The following CFAP53 variants were observed in gnomAD, a reference collection of about 807,000 sequenced individuals.
The protein encoded by CFAP53 is cilia and flagella associated protein 53.
In CFAP53, 62 loss-of-function variants were observed where a neutral mutation model predicts 59.7. The ratio of observed to expected loss-of-function variants is 1.04; its 90% CI spans 0.85 to 1.28. The LOEUF is 1.28. Among genes scored for constraint, CFAP53 ranks in the 50% most tolerant of loss-of-function variants. The pLI is 0.00. For synonymous variants in CFAP53, 218 were observed against 205.7 expected (o/e 1.06, Z -0.51); for missense variants, 629 against 615.6 (o/e 1.02, Z -0.23).
intron 5 of CFAP53, among the ~76,000 whole-genome samples, chr18:50,249,622 G>C (rs1392259345): frequency 1.3e-5 from 2 of 152,108 alleles, no homozygotes; most frequent in Non-Finnish European, 2.9e-5. Flanking sequence ...AAGGCTATCT[G>C]AAAAGATTAC....
rs180778332 is a variant in CFAP53, at chr18:50,266,348, T to G, written c.57A>C (p.Lys19Asn). 1 of 1,614,246 alleles carries G rather than the reference T, an allele frequency of 6.2e-7. No homozygotes were observed. Among genetic ancestry groups the G allele is most frequent in the Admixed American group, 1.7e-5 (1 of 60,032 alleles). ...ATCCTGTGCTTACCACGATCACCAC[T>G]TTGGGGGTGGGGCCCTTAACCTCCC... ...VQREVKGPTP[K>N]VVIVRSKPPK... The change falls in exon 1 of 8, where the codon AAA becomes AAC. Residue 19 changes from lysine to asparagine, a missense_variant. Lys to Asn is a moderately conservative substitution (Grantham distance 94, BLOSUM62 0). Coordinates refer to ENST00000398545, the MANE Select transcript of CFAP53 (RefSeq NM_145020.5).
chr18:50,249,354 CA>C (rs897252571), intron 5 of CFAP53, among the ~76,000 whole-genome samples: 39 of 151,736 alleles, frequency 2.6e-4, no homozygotes, highest in African/African-American at 7.7e-4. Context: ...CCCATCTCTA[CA>C]AAAAATAAGA....
intron 6 of CFAP53, among the ~76,000 whole-genome samples, chr18:50,241,188 T>C (rs575202445): frequency 3.9e-5 from 6 of 152,292 alleles, no homozygotes; most frequent in African/African-American, 1.4e-4. Context: ...AGCTTACCCT[T>C]ACAAGAATAG....
At chr18:50,236,613 G>C (rs138389132) in intron 7 of CFAP53, among the ~76,000 whole-genome samples, 1 of 152,136 alleles carries the variant, frequency 6.6e-6, no homozygotes, top group Admixed American at 6.5e-5. Flanking sequence ...ATCACATGGA[G>C]AGCCCACACA....
chr18:50,234,358 T>C (rs1487882583), intron 7 of CFAP53, among the ~76,000 whole-genome samples: 1 of 152,192 alleles, frequency 6.6e-6, no homozygotes, highest in Admixed American at 6.5e-5. Flanking sequence ...GATTTTCCGT[T>C]ATCTCATTAA....
chr18:50,257,831 AC>A (rs1276080846), intron 3 of CFAP53, among the ~76,000 whole-genome samples: 1 of 152,200 alleles, frequency 6.6e-6, no homozygotes, highest in Non-Finnish European at 1.5e-5. Context: ...GGAGTTCGAC[AC>A]CAGCCTGGGC....
intron 3 of CFAP53, among the ~76,000 whole-genome samples, chr18:50,257,119 C>T (rs140356999): frequency 2.6e-5 from 4 of 152,046 alleles, no homozygotes; most frequent in Non-Finnish European, 4.4e-5. Flanking sequence ...TAGCCAGTTA[C>T]TCTAAAATTA....
rs2144412496 is a variant in CFAP53 at position 50,242,899 on chromosome 18, C to T, written c.1213+1G>A. ...AATATAACTGTAATTCAGTTCCTTA[C>T]ACTTTTCTTGAACTTGAAGTTTTCT... is the stretch of plus-strand genomic sequence containing the variant. On this transcript the variant is annotated splice_donor_variant, in intron 6 of 7. Coordinates refer to ENST00000398545, the MANE Select transcript of CFAP53 (RefSeq NM_145020.5). LOFTEE classifies it high-confidence loss of function. 1 of 1,611,074 alleles carries T rather than the reference C, an allele frequency of 6.2e-7. No individual in the cohort carries two copies.
At chr18:50,245,031 C>T (rs1190326694) in intron 5 of CFAP53, among the ~76,000 whole-genome samples, 1 of 140,550 alleles carries the variant, frequency 7.1e-6, no homozygotes, top group African/African-American at 2.7e-5. Flanking sequence ...CCACTGCACT[C>T]GAGCCTGGGT....
chr18:50,247,685 T>G lies in CFAP53; in HGVS notation c.996+3073A>C, dbSNP rs112488770. ...ATGTGGATAAATCTTGAAAACATTATGCTAAGTGAAAGAAGACAGTCAACA... is the reference window on the plus strand; with the variant it reads ...ATGTGGATAAATCTTGAAAACATTAGGCTAAGTGAAAGAAGACAGTCAACA... On this transcript the variant is annotated intron_variant, in intron 5 of 7. Transcript: ENST00000398545. Among the ~76,000 whole-genome samples, 979 of 152,318 alleles carry G rather than the reference T, an allele frequency of 6.4e-3. 6 individuals are homozygous for G. The highest frequency in any genetic ancestry group is 0.022 in the African/African-American group (924 of 41,574).
In CFAP53 at chr18:50,262,213, T is replaced by G. The variant is rs753691281; in HGVS notation, c.76A>C (p.Lys26Gln). ...TCAGCTCCTTGGCCTTTAGGAGGCT[T>G]GGATCTCTGAAAACAAAAACCAACT... ...PTPKVVIVRS[K>Q]PPKGQGAEHH... The change falls in exon 2 of 8, where the codon AAG (lysine) becomes CAG (glutamine). Residue 26 changes from lysine (K) to glutamine (Q), a missense_variant. By Grantham distance (53) the Lys-to-Gln change is moderately conservative (BLOSUM62 1). Coordinates refer to ENST00000398545, the MANE Select transcript of CFAP53 (RefSeq NM_145020.5). The G allele has an allele frequency of 6.2e-7, 1 of 1,611,992 alleles. No individual in the cohort carries two copies. The highest frequency in any genetic ancestry group is 8.5e-7 in the Non-Finnish European group (1 of 1,178,182).
At chr18:50,246,645 T>C (rs2033747935) in intron 5 of CFAP53, among the ~76,000 whole-genome samples, 1 of 152,204 alleles carries the variant, frequency 6.6e-6, no homozygotes, top group African/African-American at 2.4e-5. Context: ...AATTTAAAAC[T>C]TTTGTGATTC....
intron 7 of CFAP53, among the ~76,000 whole-genome samples, chr18:50,235,788 G>T (rs2033627572): frequency 6.6e-6 from 1 of 152,164 alleles, no homozygotes; most frequent in Non-Finnish European, 1.5e-5. Context: ...CAGCCACCCT[G>T]CCCAATTTAA....
intron 3 of CFAP53, among the ~76,000 whole-genome samples, chr18:50,253,489 A>G (rs1042194555): frequency 6.6e-6 from 1 of 152,200 alleles, no homozygotes; most frequent in Admixed American, 6.5e-5. Context: ...CAGGGAGCCT[A>G]AGTGTCTTCC....
intron 3 of CFAP53, 58 bp downstream of exon 3, chr18:50,261,006 A>C (rs1417471438): frequency 6.5e-7 from 1 of 1,528,904 alleles, no homozygotes; most frequent in East Asian, 2.3e-5. Context: ...TAGCATTCTT[A>C]AATCTATTTT....
At chr18:50,231,554 C>T (rs2033583825) in intron 7 of CFAP53, among the ~76,000 whole-genome samples, 1 of 152,212 alleles carries the variant, frequency 6.6e-6, no homozygotes, top group Non-Finnish European at 1.5e-5. Flanking sequence ...CATCTAACTA[C>T]CACCTGTTCA....
intron 2 of CFAP53, 68 bp downstream of exon 2, chr18:50,261,922 A>T: frequency 8.1e-7 from 1 of 1,240,344 alleles, no homozygotes; most frequent in Non-Finnish European, 1.2e-6. Flanking sequence ...TTGATTTTTG[A>T]CTGGTCAATC....
rs1288613036 is a variant in CFAP53, at chr18:50,227,610, C to T, written c.1317-1G>A. ...GTACTCCTGGGCTAAACGTTGGCGTCTAAAGTATTAGAAATGTCAAAGCAT... is the reference window on the plus strand; with the variant it reads ...GTACTCCTGGGCTAAACGTTGGCGTTTAAAGTATTAGAAATGTCAAAGCAT... On this transcript the variant is annotated splice_acceptor_variant, in intron 7 of 7. Transcript: ENST00000398545. LOFTEE classifies it high-confidence loss of function. 1 of 1,609,110 alleles carries T rather than the reference C, an allele frequency of 6.2e-7. No homozygotes were observed. The highest frequency in any genetic ancestry group is 1.7e-5 in the Admixed American group (1 of 59,944).
Position 50,266,331 on chromosome 18 carries a change from C to CT in CFAP53, c.69+4dup. The CT allele has an allele frequency of 6.2e-7, 1 of 1,614,020 alleles. No individual in the cohort carries two copies. Among genetic ancestry groups the CT allele is most frequent in the Non-Finnish European group, 8.5e-7 (1 of 1,179,830 alleles). On this transcript the variant is annotated splice_donor_region_variant and intron_variant, in intron 1 of 7. Transcript: ENST00000398545. The stretch of plus-strand genomic sequence containing the variant: ...TAGGGTCTGGCAGACATATCCTGTG[C>CT]TTACCACGATCACCACTTTGGGGGT...
Sources: allele counts gnomAD v4.1 joint callset (sites outside exome capture counted in the v4.1 genomes callset), GRCh38; gene constraint gnomAD v4.1.1; transcripts MANE v1.5; gene names NCBI Gene and HGNC (gene_info 2026-07-23, HGNC 2026-07-21).